PTPRO: variants seen among roughly 807,000 people sequenced by gnomAD.
PTPRO encodes the protein receptor-type tyrosine-protein phosphatase O.
Under a neutral mutation model 145.2 loss-of-function variants are expected in PTPRO, and 62 were observed. That is an observed-to-expected ratio of 0.43 (90% CI 0.35 to 0.53). The LOEUF (loss-of-function observed/expected upper bound fraction) is 0.53, where lower values mean the gene tolerates loss of function less well. PTPRO is among the 20% of genes least tolerant of loss of function. PTPRO has a pLI of 0.01. For synonymous variants in PTPRO, 565 were observed against 514.7 expected (o/e 1.10, Z -1.32); for missense variants, 1,345 against 1,482.7 (o/e 0.91, Z 1.53).
rs186332613 is a variant in PTPRO at position 15,415,056 on chromosome 12, A to C, written c.76-68918A>C. 1.9e-3 allele frequency among the ~76,000 whole-genome samples: 286 copies of C among 152,346 alleles called. 1 individual carries two copies. Among genetic ancestry groups the C allele is most frequent in the Admixed American group, 3.8e-3 (58 of 15,302 alleles). On this transcript the variant is annotated intron_variant, in intron 1 of 26. Transcript: ENST00000281171. Reference sequence around the variant, plus strand: ...ATTTCATGCATGGGACGTTCTAACCAGGGAAATGGGAAAGAGCTGGCATAG... The same window carrying C: ...ATTTCATGCATGGGACGTTCTAACCCGGGAAATGGGAAAGAGCTGGCATAG...
At chr12:15,463,262 C>T (rs1370751489) in intron 1 of PTPRO, among the ~76,000 whole-genome samples, 1 of 152,070 alleles carries the variant, frequency 6.6e-6, no homozygotes, top group Non-Finnish European at 1.5e-5. Context: ...AGTTATGAAT[C>T]AATAGATCCT....
intron 1 of PTPRO, among the ~76,000 whole-genome samples, chr12:15,339,766 G>A (rs1384616712): frequency 2.0e-5 from 3 of 152,008 alleles, no homozygotes; most frequent in East Asian, 1.9e-4. Context: ...ATTTGCCATC[G>A]TTTACTGTAG....
chr12:15,419,568 A>G (rs1940075222), intron 1 of PTPRO, among the ~76,000 whole-genome samples: 1 of 151,740 alleles, frequency 6.6e-6, no homozygotes, highest in African/African-American at 2.4e-5. Context: ...ATGTCCTCCA[A>G]GTCTGACCTA....
intron 12 of PTPRO, among the ~76,000 whole-genome samples, chr12:15,539,494 C>G (rs1425479763): frequency 6.6e-6 from 1 of 152,050 alleles, no homozygotes; most frequent in Non-Finnish European, 1.5e-5. Flanking sequence ...GGCACAGTGG[C>G]TCACTGCCTG....
intron 1 of PTPRO, among the ~76,000 whole-genome samples, chr12:15,402,263 C>T (rs1171501871): frequency 6.6e-6 from 1 of 152,082 alleles, no homozygotes; most frequent in Non-Finnish European, 1.5e-5. Context: ...TGGTGTGTGC[C>T]TGTAGTCCCA....
At chr12:15,334,184 T>C (rs1048469224) in intron 1 of PTPRO, among the ~76,000 whole-genome samples, 1 of 152,238 alleles carries the variant, frequency 6.6e-6, no homozygotes, top group African/African-American at 2.4e-5. Flanking sequence ...AAAACTTTTA[T>C]GATTTCCTTT....
chr12:15,498,629 A>G (rs1255647576), intron 3 of PTPRO, among the ~76,000 whole-genome samples: 1 of 151,580 alleles, frequency 6.6e-6, no homozygotes. Context: ...GAAAAAATCA[A>G]AGAAACACAA....
Position 15,360,814 on chromosome 12 carries a change from GTA to G in PTPRO, c.75+38019_75+38020del, listed in dbSNP as rs567588439. Among the ~76,000 whole-genome samples the G allele has an allele frequency of 1.1e-3, 147 of 138,902 alleles. 1 individual carries two copies. The highest frequency in any genetic ancestry group is 3.0e-3 in the African/African-American group (116 of 38,082). 91.1% of individuals were successfully genotyped at this position (138,902 alleles called of 152,430 possible). A position where few individuals can be genotyped will look rare whatever the true frequency, so the allele number is the denominator to read the frequency against. On this transcript the variant is annotated intron_variant, in intron 1 of 26. Coordinates refer to ENST00000281171, the MANE Select transcript of PTPRO (RefSeq NM_030667.3). ...TGTATATGTGTGTATATATACGTGT[GTA>G]TATATGTGTGTGTATATATATACGT...
At chr12:15,503,823 T>C in intron 5 of PTPRO, 85 bp from the exon 6 acceptor site, 1 of 1,119,264 alleles carries the variant, frequency 8.9e-7, no homozygotes, top group Non-Finnish European at 1.3e-6. Flanking sequence ...AAACACCTAA[T>C]TTTTTTTCAT....
At chr12:15,459,429 C>A (rs951894634) in intron 1 of PTPRO, among the ~76,000 whole-genome samples, 3 of 152,202 alleles carry the variant, frequency 2.0e-5, no homozygotes, top group Non-Finnish European at 4.4e-5. Context: ...GTAGTTCTTT[C>A]CTTCCCTCTC....
At chr12:15,484,514 T>G (rs1339613086) in intron 2 of PTPRO, among the ~76,000 whole-genome samples, 1 of 152,160 alleles carries the variant, frequency 6.6e-6, no homozygotes, top group Non-Finnish European at 1.5e-5. Context: ...CAATTTCAAA[T>G]TCATGATTGG....
At chr12:15,359,104 A>G (rs1407283870) in intron 1 of PTPRO, among the ~76,000 whole-genome samples, 1 of 152,226 alleles carries the variant, frequency 6.6e-6, no homozygotes, top group East Asian at 1.9e-4. Context: ...AGCAAGTTTG[A>G]TATAAGTGAC....
At chr12:15,356,926 G>A (rs546605151) in intron 1 of PTPRO, among the ~76,000 whole-genome samples, 1 of 152,184 alleles carries the variant, frequency 6.6e-6, no homozygotes, top group Middle Eastern at 3.4e-3. Flanking sequence ...AAGGGGTCAC[G>A]GTCAATGCTG....
intron 15 of PTPRO, 34 bp downstream of exon 15, chr12:15,551,705 T>A (rs1943465706): frequency 6.2e-7 from 1 of 1,603,576 alleles, no homozygotes; most frequent in African/African-American, 1.3e-5. Flanking sequence ...TTATCCGGAA[T>A]CTTTAAAATA....
rs1299555653 is a variant in PTPRO, at chr12:15,508,456, T to A, written c.1268-115T>A. The stretch of plus-strand genomic sequence containing the variant: ...AGAGTTGCCAGTCCGACCGCCAATC[T>A]TTCTTTGAATCTCATTGTAAGGGCA... On this transcript the variant is annotated intron_variant, in intron 6 of 26. Transcript: ENST00000281171. 6.1e-6 allele frequency: 7 copies of A among 1,145,616 alleles called. No individual in the cohort carries two copies. In the East Asian group the frequency reaches 1.8e-4, roughly 29 times the overall value. The allele number at this position is 1,145,616 out of a possible 1,614,324, so 71.0% of individuals were successfully genotyped here.
At chr12:15,436,192 C>T (rs1315935278) in intron 1 of PTPRO, among the ~76,000 whole-genome samples, 1 of 152,128 alleles carries the variant, frequency 6.6e-6, no homozygotes, top group Non-Finnish European at 1.5e-5. Context: ...CTAAAACTGA[C>T]ACCCTAACAT....
intron 1 of PTPRO, among the ~76,000 whole-genome samples, chr12:15,453,074 C>G (rs1941087075): frequency 6.6e-6 from 1 of 151,832 alleles, no homozygotes; most frequent in South Asian, 2.1e-4. Flanking sequence ...TTTCAAAAAC[C>G]CATCATAGAA....
Position 15,557,459 on chromosome 12 carries a change from T to C in PTPRO, c.2563T>C (p.Cys855Arg). 1 of 1,613,556 alleles carries C rather than the reference T, an allele frequency of 6.2e-7. No individual in the cohort carries two copies. The highest frequency in any genetic ancestry group is 1.1e-5 in the South Asian group (1 of 91,082). Reference sequence around the variant, plus strand: ...TTTGTGGTTCCTTTAAAACAGGGAGTGTGGAGCTGGTACATTTGTCAATTT... The same window carrying C: ...TTTGTGGTTCCTTTAAAACAGGGAGCGTGGAGCTGGTACATTTGTCAATTT... ...RKKHLQMARE[C>R]GAGTFVNFAS... The change falls in exon 16 of 27, where the codon TGT (cysteine) becomes CGT (arginine). Residue 855 changes from cysteine (C) to arginine (R), a missense_variant. Physicochemically the swap from Cys to Arg is radical, Grantham distance 180 (BLOSUM62 -3). Around this residue, in one of 3 missense-constraint regions of PTPRO, gnomAD observed 1,130 missense variants for 1,214.7 expected, o/e 0.93. Transcript: ENST00000281171.
chr12:15,353,675 C>T (rs942299962), intron 1 of PTPRO, among the ~76,000 whole-genome samples: 1 of 152,150 alleles, frequency 6.6e-6, no homozygotes, highest in African/African-American at 2.4e-5. Flanking sequence ...TCTCAAAACA[C>T]TCATAATAGG....
Sources: allele counts gnomAD v4.1 joint callset (sites outside exome capture counted in the v4.1 genomes callset), GRCh38; gene constraint gnomAD v4.1.1; regional missense constraint gnomAD v4.1.1; transcripts MANE v1.5; gene names NCBI Gene and HGNC (gene_info 2026-07-23, HGNC 2026-07-21).